Variants in PRKACB observed in about 807,000 individuals in gnomAD.
PRKACB encodes protein kinase cAMP-activated catalytic subunit beta.
Under a neutral mutation model 51.4 loss-of-function variants are expected in PRKACB, and 16 were observed. The observed-to-expected ratio is 0.31, with a 90% CI of 0.21 to 0.47. PRKACB has a LOEUF of 0.47. Ranked by LOEUF, PRKACB falls within the 20% of genes least tolerant of loss-of-function variation. The probability of loss-of-function intolerance (pLI) is 1.00; values close to 1 mark genes in which losing one functional copy is unlikely to be tolerated. For synonymous variants in PRKACB, 147 were observed against 154.4 expected (o/e 0.95, Z 0.35); for missense variants, 309 against 464.5 (o/e 0.67, Z 3.08).
At position 84,214,269 on chromosome 1, in the gene PRKACB, T is replaced by C. The variant is rs1672552876; in HGVS notation, c.1023T>C (p.Thr341=). ...NLKNGVSDIK[T]HKWFATTDWI... ...AGAATGGTGTCAGTGATATAAAAACTCACAAGTGGTTTGCCACGACAGATT... is the reference window on the plus strand; with the variant it reads ...AGAATGGTGTCAGTGATATAAAAACCCACAAGTGGTTTGCCACGACAGATT... The change falls in exon 9 of 10, where the codon ACT becomes ACC. Residue 341 remains threonine, a synonymous_variant. Transcript: ENST00000370685. 2 of 1,612,520 alleles carry C rather than the reference T, an allele frequency of 1.2e-6. No homozygotes were observed. Among genetic ancestry groups the C allele is most frequent in the East Asian group, 4.5e-5 (2 of 44,768 alleles).
Position 84,103,429 on chromosome 1 carries a change from G to C in PRKACB, c.46+25058G>C, listed in dbSNP as rs530479116. 2.1e-4 allele frequency among the ~76,000 whole-genome samples: 32 copies of C among 152,068 alleles called. No individual in the cohort carries two copies. In the South Asian group the frequency reaches 6.4e-3, roughly 31 times the overall value. ...AGAAAGAGACAGAGAGATGGGGTGT[G>C]GGGGTGGGGGGTAGAGAAAGAAAGA... On this transcript the variant is annotated intron_variant, in intron 1 of 8. Coordinates refer to the PRKACB transcript ENST00000370688.
chr1:84,104,221 C>T (rs939897450), intron 1 of PRKACB, among the ~76,000 whole-genome samples: 3 of 152,158 alleles, frequency 2.0e-5, no homozygotes, highest in Admixed American at 1.3e-4. Flanking sequence ...TGGGTGAGAA[C>T]ATATGGTATT....
chr1:84,093,775 T>C (rs1164538285), intron 1 of PRKACB, among the ~76,000 whole-genome samples: 15 of 152,118 alleles, frequency 9.9e-5, no homozygotes, highest in Non-Finnish European at 2.9e-5. Context: ...TAATATTCTG[T>C]AACTTCTTTT....
intron 1 of PRKACB, among the ~76,000 whole-genome samples, chr1:84,159,246 C>T (rs1655891820): frequency 1.3e-5 from 2 of 152,036 alleles, no homozygotes; most frequent in Non-Finnish European, 2.9e-5. Flanking sequence ...GTTATTTTAA[C>T]AATTTTGAGT....
intron 8 of PRKACB, chr1:84,205,383 T>G: frequency 1.7e-6 from 1 of 595,944 alleles, no homozygotes; most frequent in Non-Finnish European, 2.1e-6. Context: ...GGAAACTAAC[T>G]AGTTTTTTAA....
intron 1 of PRKACB, among the ~76,000 whole-genome samples, chr1:84,080,942 TA>T (rs1647484045): frequency 6.6e-6 from 1 of 150,888 alleles, no homozygotes. Flanking sequence ...TTAAAGACTA[TA>T]AGTAAAAGCT....
intron 1 of PRKACB, among the ~76,000 whole-genome samples, chr1:84,133,303 G>C (rs1021266639): frequency 1.3e-5 from 2 of 152,062 alleles, no homozygotes; most frequent in Non-Finnish European, 2.9e-5. Flanking sequence ...CTTCAAAACT[G>C]AAGGACAAAT....
chr1:84,168,419 A>G (rs1658242896), intron 1 of PRKACB, among the ~76,000 whole-genome samples: 1 of 151,586 alleles, frequency 6.6e-6, no homozygotes, highest in Non-Finnish European at 1.5e-5. Flanking sequence ...AACTAGCATC[A>G]TTATATCAAA....
chr1:84,104,284 C>G (rs1649565004), intron 1 of PRKACB, among the ~76,000 whole-genome samples: 1 of 152,068 alleles, frequency 6.6e-6, no homozygotes, highest in East Asian at 1.9e-4. Context: ...CTAGGCTCAT[C>G]CATGTTGCCA....
At chr1:84,133,751 C>T (rs1020114328) in intron 1 of PRKACB, among the ~76,000 whole-genome samples, 7 of 152,240 alleles carry the variant, frequency 4.6e-5, no homozygotes, top group South Asian at 2.1e-4. Flanking sequence ...AAACTCCATG[C>T]GGGCCATGGC....
chr1:84,131,803 G>A (rs1348952040), intron 1 of PRKACB, among the ~76,000 whole-genome samples: 1 of 152,204 alleles, frequency 6.6e-6, no homozygotes, highest in Non-Finnish European at 1.5e-5. Flanking sequence ...GGACTAACAT[G>A]GGAGTGTGAC....
intron 1 of PRKACB, among the ~76,000 whole-genome samples, chr1:84,150,397 C>T (rs2100637269): frequency 6.6e-6 from 1 of 152,250 alleles, no homozygotes; most frequent in South Asian, 2.1e-4. Flanking sequence ...ATACTTCCTT[C>T]TGTTACAACT....
intron 1 of PRKACB, among the ~76,000 whole-genome samples, chr1:84,116,538 T>G (rs921076538): frequency 1.8e-4 from 27 of 152,184 alleles, no homozygotes; most frequent in African/African-American, 6.5e-4. Context: ...CAGAGCTCTT[T>G]CACCTTCTTG....
At chr1:84,139,722 A>G (rs183140442), upstream of PRKACB, among the ~76,000 whole-genome samples, 4 of 152,346 alleles carry the variant, frequency 2.6e-5, no homozygotes, top group East Asian at 7.7e-4. Context: ...TAAAATTTAT[A>G]TGGAAAGGTG....
At chr1:84,128,462 ATAGTTT>A in intron 1 of PRKACB, among the ~76,000 whole-genome samples, 1 of 152,338 alleles carries the variant, frequency 6.6e-6, no homozygotes, top group African/African-American at 2.4e-5. Flanking sequence ...TTATAACAGA[ATAGTTT>A]TTAAAAATCT....
intron 5 of PRKACB, 76 bp from the exon 6 acceptor site, chr1:84,196,540 G>A: frequency 7.0e-7 from 1 of 1,438,578 alleles, no homozygotes; most frequent in African/African-American, 1.4e-5. Flanking sequence ...CTTCATATTA[G>A]TTTTTATGCA....
At chr1:84,128,397 T>G (rs1651842937) in intron 1 of PRKACB, among the ~76,000 whole-genome samples, 1 of 152,184 alleles carries the variant, frequency 6.6e-6, no homozygotes, top group Non-Finnish European at 1.5e-5. Context: ...TAGCATTCTG[T>G]CCAAATTGCA....
chr1:84,211,389 C>A (rs1035132126), intron 8 of PRKACB, among the ~76,000 whole-genome samples: 4 of 152,044 alleles, frequency 2.6e-5, no homozygotes, highest in Admixed American at 2.6e-4. Context: ...TAAATTATTT[C>A]TTTGGAATCT....
chr1:84,229,926 C>T (rs1675316007), intron 9 of PRKACB, among the ~76,000 whole-genome samples: 1 of 151,834 alleles, frequency 6.6e-6, no homozygotes, highest in African/African-American at 2.4e-5. Flanking sequence ...TGCAGAAGCT[C>T]TTTAGTTTAA....
Sources: allele counts gnomAD v4.1 joint callset (sites outside exome capture counted in the v4.1 genomes callset), GRCh38; gene constraint gnomAD v4.1.1; transcripts MANE v1.5; gene names NCBI Gene and HGNC (gene_info 2026-07-23, HGNC 2026-07-21).